The following CD109 variants were observed in gnomAD, a reference collection of about 807,000 sequenced individuals.
The protein encoded by CD109 is CD109 molecule, also known as CD109 antigen.
CD109 carries 149 observed loss-of-function variants against 165.8 expected under a neutral mutation model. That is an observed-to-expected ratio of 0.90 (90% CI 0.79 to 1.03). The LOEUF is 1.03. Ranked by LOEUF, CD109 falls within the 50% of genes least tolerant of loss-of-function variation. CD109 has a pLI of 0.00. For missense variants in CD109, 1,712 were observed against 1,677.8 expected, an observed-to-expected ratio of 1.02 and a Z score of -0.36; for synonymous variants, 585 against 592.1, an observed-to-expected ratio of 0.99 and a Z score of 0.18.
At chr6:73,788,361 A>G in intron 21 of CD109, 107 bp from the exon 22 acceptor site, 3 of 895,134 alleles carry the variant, frequency 3.4e-6, no homozygotes, top group Non-Finnish European at 4.9e-6. Context: ...TTAGCCACAC[A>G]CAAACCTCAG....
intron 23 of CD109, among the ~76,000 whole-genome samples, chr6:73,800,214 C>T (rs1034833825): frequency 2.6e-5 from 4 of 152,168 alleles, no homozygotes; most frequent in East Asian, 3.8e-4. Flanking sequence ...CTATTTTACA[C>T]TTTGCCTTTT....
chr6:73,806,205 C>T (rs1775556443), intron 24 of CD109, among the ~76,000 whole-genome samples: 1 of 152,126 alleles, frequency 6.6e-6, no homozygotes, highest in Non-Finnish European at 1.5e-5. Context: ...AGTTCATGTC[C>T]TTTGTAGGGA....
upstream of CD109, among the ~76,000 whole-genome samples, chr6:73,692,858 T>C (rs1429669353): frequency 1.3e-5 from 2 of 152,198 alleles, no homozygotes; most frequent in African/African-American, 4.8e-5. Context: ...ACATTCGCCT[T>C]CCACCATAAT....
At chr6:73,759,928 C>T (rs1773545275) in intron 7 of CD109, among the ~76,000 whole-genome samples, 1 of 150,760 alleles carries the variant, frequency 6.6e-6, no homozygotes, top group Admixed American at 6.6e-5. Flanking sequence ...TTGGAATATG[C>T]TATATTTTAA....
intron 23 of CD109, among the ~76,000 whole-genome samples, chr6:73,797,915 T>C (rs2150279275): frequency 6.6e-6 from 1 of 152,282 alleles, no homozygotes; most frequent in East Asian, 1.9e-4. Flanking sequence ...ATATGATTAC[T>C]TTTCAAACTC....
intron 29 of CD109, among the ~76,000 whole-genome samples, chr6:73,813,794 G>A (rs1304994028): frequency 6.6e-6 from 1 of 152,218 alleles, no homozygotes; most frequent in South Asian, 2.1e-4. Flanking sequence ...TTATGGATGG[G>A]CATTAATTAT....
Position 73,781,298 on chromosome 6 carries a change from A to G in CD109, c.1942A>G (p.Lys648Glu). The stretch of plus-strand genomic sequence containing the variant: ...GGTATTGACAGATGCAAACCTCACG[A>G]AGGATTATATTGATGGTGTTTGTAA... ...LWVLTDANLT[K>E]DYIDGVYDNA... Residue 648 changes from lysine to glutamate, a missense_variant, in exon 17 of 33, where the codon AAG becomes GAG. Lys to Glu is a moderately conservative substitution (Grantham distance 56, BLOSUM62 1). Transcript: ENST00000287097. The G allele has an allele frequency of 6.2e-7, 1 of 1,613,316 alleles. No homozygotes were observed.
intron 28 of CD109, 39 bp downstream of exon 28, chr6:73,811,186 C>G (rs753516882): frequency 9.4e-6 from 15 of 1,587,682 alleles, no homozygotes; most frequent in Non-Finnish European, 2.6e-6. Context: ...TCAGTGTAGA[C>G]AATTCTTTAT....
chr6:73,747,790 A>G (rs1266340763), intron 5 of CD109, among the ~76,000 whole-genome samples: 1 of 151,986 alleles, frequency 6.6e-6, no homozygotes, highest in Non-Finnish European at 1.5e-5. Flanking sequence ...GTAACCTTAG[A>G]GTTCTTGACA....
intron 32 of CD109, among the ~76,000 whole-genome samples, chr6:73,821,412 C>T (rs977186287): frequency 6.6e-6 from 1 of 152,182 alleles, no homozygotes; most frequent in African/African-American, 2.4e-5. Flanking sequence ...CAAAAAGCCA[C>T]CTGCACTCAT....
At chr6:73,740,839 A>G (rs2150193691) in intron 5 of CD109, among the ~76,000 whole-genome samples, 1 of 151,466 alleles carries the variant, frequency 6.6e-6, no homozygotes, top group African/African-American at 2.4e-5. Context: ...GATGCACCCT[A>G]CTCGGCCTCC....
At chr6:73,706,795 T>A (rs73458346) in intron 2 of CD109, among the ~76,000 whole-genome samples, 7,555 of 152,008 alleles carry the variant, frequency 0.05, 358 homozygotes, top group East Asian at 0.19. Context: ...AAGAGGAAAA[T>A]TTTTAAAGAA....
chr6:73,730,957 A>G (rs1772347298), intron 4 of CD109, among the ~76,000 whole-genome samples: 1 of 152,230 alleles, frequency 6.6e-6, no homozygotes, highest in East Asian at 1.9e-4. Context: ...ATATATATTT[A>G]TAAAGGGACA....
chr6:73,800,538 C>G (rs12663846), intron 23 of CD109, among the ~76,000 whole-genome samples: 2,687 of 152,300 alleles, frequency 0.018, 49 homozygotes, highest in East Asian at 0.061. Flanking sequence ...TGAATTCCCT[C>G]TAGCAGTGGA....
In CD109 at chr6:73,811,160, G is replaced by A. The variant is rs948026849; in HGVS notation, c.3702+13G>A. The A allele has an allele frequency of 5.0e-6, 8 of 1,606,910 alleles. No individual in the cohort carries two copies. The highest frequency in any genetic ancestry group is 3.4e-5 in the Admixed American group (2 of 58,358). ...TCAGACAGCAGAGGTGTGGGCAAGG[G>A]GCAGTTATTTAAAAATCAGTGTAGA... On this transcript the variant is annotated intron_variant, in intron 28 of 32. Transcript: ENST00000287097.
chr6:73,798,891 G>A (rs1775264729), intron 23 of CD109, among the ~76,000 whole-genome samples: 1 of 152,166 alleles, frequency 6.6e-6, no homozygotes, highest in African/African-American at 2.4e-5. Context: ...TCTCCTTGAG[G>A]TTGGTCTTTC....
At chr6:73,801,176 T>C (rs1183447755) in intron 23 of CD109, among the ~76,000 whole-genome samples, 2 of 152,356 alleles carry the variant, frequency 1.3e-5, no homozygotes, top group East Asian at 3.9e-4. Context: ...TTGGAGCCAG[T>C]GAGAAGTTGG....
At chr6:73,758,055 C>A (rs183422729) in intron 6 of CD109, among the ~76,000 whole-genome samples, 1 of 151,474 alleles carries the variant, frequency 6.6e-6, no homozygotes, top group Non-Finnish European at 1.5e-5. Flanking sequence ...GTGGGGGTTG[C>A]GGGGGCGGGG....
intron 17 of CD109, among the ~76,000 whole-genome samples, chr6:73,781,778 G>GACACAC (rs754018053): frequency 2.1e-4 from 26 of 124,166 alleles, no homozygotes; most frequent in African/African-American, 6.9e-4. Context: ...CACAGACACA[G>GACACAC]ACACACACAC....
Sources: allele counts gnomAD v4.1 joint callset (sites outside exome capture counted in the v4.1 genomes callset), GRCh38; gene constraint gnomAD v4.1.1; transcripts MANE v1.5; gene names NCBI Gene and HGNC (gene_info 2026-07-23, HGNC 2026-07-21).